The following PPP2R3A variants were observed in gnomAD, a reference collection of about 807,000 sequenced individuals.
The protein encoded by PPP2R3A is serine/threonine-protein phosphatase 2A regulatory subunit B'' subunit alpha.
A neutral mutation model predicts 106.9 loss-of-function variants in PPP2R3A; 80 were observed. The observed-to-expected ratio is 0.75, with a 90% CI of 0.62 to 0.90. The LOEUF is 0.90. Ranked by LOEUF, PPP2R3A falls within the 40% of genes least tolerant of loss-of-function variation. The pLI, the probability that PPP2R3A is intolerant of heterozygous loss-of-function variation, is 0.00. For synonymous variants in PPP2R3A, 483 were observed against 468.3 expected, an observed-to-expected ratio of 1.03 and a Z score of -0.41; for missense variants, 1,386 against 1,350.4, an observed-to-expected ratio of 1.03 and a Z score of -0.41.
chr3:136,001,852 T>A lies in PPP2R3A; in HGVS notation c.354T>A (p.Ser118Arg). 1 of 1,614,100 alleles carries A rather than the reference T, an allele frequency of 6.2e-7. No individual in the cohort carries two copies. Among genetic ancestry groups the A allele is most frequent in the Non-Finnish European group, 8.5e-7 (1 of 1,180,010 alleles). ...NLKDIAGEAI[S>R]FASGKIKEFS... ...AGGATATTGCAGGAGAAGCAATCAGTTTTGCCAGTGGGAAAATAAAAGAAT... is the reference window on the plus strand; with the variant it reads ...AGGATATTGCAGGAGAAGCAATCAGATTTGCCAGTGGGAAAATAAAAGAAT... Residue 118 changes from serine to arginine, a missense_variant, in exon 2 of 14, where the codon AGT (serine) becomes AGA (arginine). Transcript: ENST00000264977.
intron 13 of PPP2R3A, among the ~76,000 whole-genome samples, chr3:136,141,929 C>T (rs1208047147): frequency 6.6e-6 from 1 of 152,144 alleles, no homozygotes; most frequent in Non-Finnish European, 1.5e-5. Flanking sequence ...TTTGAGTGGG[C>T]AGATGACAGT....
intron 13 of PPP2R3A, among the ~76,000 whole-genome samples, chr3:136,136,074 T>TATATATA (rs1491542071): frequency 0.022 from 655 of 30,094 alleles, 11 homozygotes; most frequent in African/African-American, 0.036. Flanking sequence ...AAAAAAAAAA[T>TATATATA]TATATATATA....
chr3:136,050,059 G>T (rs1470150087), intron 5 of PPP2R3A, among the ~76,000 whole-genome samples: 1 of 152,134 alleles, frequency 6.6e-6, no homozygotes, highest in South Asian at 2.1e-4. Context: ...AGTAATTTAG[G>T]ATAATGGCAG....
intron 5 of PPP2R3A, 79 bp downstream of exon 5, chr3:136,049,440 T>G (rs1462089065): frequency 2.9e-6 from 3 of 1,025,684 alleles, no homozygotes; most frequent in Non-Finnish European, 4.4e-6. Flanking sequence ...AACTATAACA[T>G]GTCAATTGAG....
chr3:136,049,165 G>GC, intron 4 of PPP2R3A, 94 bp from the exon 5 acceptor site: 2 of 833,032 alleles, frequency 2.4e-6, no homozygotes, highest in Non-Finnish European at 3.9e-6. Context: ...GATCTGAGTG[G>GC]CCTTCAGATC....
chr3:136,120,444 C>T lies in PPP2R3A; in HGVS notation c.3329+14122C>T, dbSNP rs151017604. Among the ~76,000 whole-genome samples the T allele has an allele frequency of 7.6e-3, 1,152 of 152,032 alleles. 18 individuals carry two copies. The highest frequency in any genetic ancestry group is 0.026 in the African/African-American group (1,081 of 41,456). On this transcript the variant is annotated intron_variant, in intron 13 of 13. Coordinates refer to ENST00000264977, the MANE Select transcript of PPP2R3A (RefSeq NM_002718.5). ...CTCTACTAAAAACACAAAAATTAGC[C>T]GGGCAGGGTGGTGTGCGCCTGTAGT...
intron 10 of PPP2R3A, among the ~76,000 whole-genome samples, chr3:136,098,161 A>T (rs921803179): frequency 2.0e-5 from 3 of 152,220 alleles, no homozygotes; most frequent in Non-Finnish European, 4.4e-5. Flanking sequence ...AAAAGTTTTT[A>T]AAAAATTAGC....
At chr3:136,029,200 T>C (rs1005786128) in intron 3 of PPP2R3A, among the ~76,000 whole-genome samples, 1 of 152,192 alleles carries the variant, frequency 6.6e-6, no homozygotes, top group Non-Finnish European at 1.5e-5. Flanking sequence ...TTGCCTCAGG[T>C]AAGCAGACAA....
intron 1 of PPP2R3A, among the ~76,000 whole-genome samples, chr3:135,993,412 T>C (rs1933257068): frequency 6.6e-6 from 1 of 152,208 alleles, no homozygotes; most frequent in Admixed American, 6.5e-5. Context: ...TCTGAAAGGA[T>C]GTAGAGCTAC....
At chr3:135,986,026 A>G (rs1932904301) in intron 1 of PPP2R3A, among the ~76,000 whole-genome samples, 1 of 152,136 alleles carries the variant, frequency 6.6e-6, no homozygotes, top group Admixed American at 6.5e-5. Context: ...CACAGGGAGA[A>G]TGATCTGGAA....
intron 8 of PPP2R3A, 105 bp from the exon 9 acceptor site, chr3:136,087,778 T>G: frequency 1.4e-6 from 1 of 710,320 alleles, no homozygotes; most frequent in Non-Finnish European, 2.4e-6. Context: ...TGGACGATGG[T>G]TACGGTTTAG....
chr3:136,021,941 A>G (rs901189784), intron 2 of PPP2R3A, among the ~76,000 whole-genome samples: 3 of 152,160 alleles, frequency 2.0e-5, no homozygotes, highest in African/African-American at 7.2e-5. Context: ...GTTGTATGCA[A>G]ATATTACACA....
chr3:136,020,566 T>C (rs1343027877), intron 2 of PPP2R3A, among the ~76,000 whole-genome samples: 1 of 146,178 alleles, frequency 6.8e-6, no homozygotes, highest in Non-Finnish European at 1.5e-5. Context: ...TAGTTTACTT[T>C]TACTAAAACT....
intron 13 of PPP2R3A, among the ~76,000 whole-genome samples, chr3:136,143,332 A>T (rs1938952871): frequency 6.6e-6 from 1 of 152,046 alleles, no homozygotes; most frequent in African/African-American, 2.4e-5. Context: ...CTACTAAGAA[A>T]ACACAAAAAC....
intron 2 of PPP2R3A, among the ~76,000 whole-genome samples, chr3:136,020,698 T>C (rs764159724): frequency 1.3e-5 from 2 of 152,064 alleles, no homozygotes; most frequent in Non-Finnish European, 2.9e-5. Flanking sequence ...TGAGGACAAA[T>C]GCAGCTGACT....
Position 136,029,221 on chromosome 3 carries a change from T to C in PPP2R3A, c.2262+2123T>C, listed in dbSNP as rs190867304. On this transcript the variant is annotated intron_variant, in intron 3 of 13. Transcript: ENST00000264977. ...CAGGTAAGCAGACAAAGAGAAACTT[T>C]CCAGATTAGGGCATAGTAGTTCCCT... is the stretch of plus-strand genomic sequence containing the variant. 3.3e-5 allele frequency among the ~76,000 whole-genome samples: 5 copies of C among 152,312 alleles called. No homozygotes were observed. The East Asian group carries it at 7.7e-4, about 24-fold the overall frequency.
At chr3:136,047,998 C>T (rs996968811) in intron 4 of PPP2R3A, among the ~76,000 whole-genome samples, 1 of 151,972 alleles carries the variant, frequency 6.6e-6, no homozygotes, top group African/African-American at 2.4e-5. Context: ...GCTATTGGTA[C>T]TATGCTCACT....
intron 6 of PPP2R3A, among the ~76,000 whole-genome samples, chr3:136,073,181 A>G (rs1471122966): frequency 6.6e-6 from 1 of 152,032 alleles, no homozygotes; most frequent in Non-Finnish European, 1.5e-5. Flanking sequence ...GTTAGCCAGG[A>G]TGGTCTCGAT....
chr3:136,049,186 TACTA>T (rs1326299043), intron 4 of PPP2R3A, 69 bp from the exon 5 acceptor site: 45 of 1,112,672 alleles, frequency 4.0e-5, no homozygotes, highest in Non-Finnish European at 4.8e-5. Flanking sequence ...AAACTGAAAT[TACTA>T]ACTATTGATG....
Sources: gnomAD v4.1 joint callset for allele counts (sites outside exome capture counted in the v4.1 genomes callset) on GRCh38, gnomAD v4.1.1 for gene constraint, MANE v1.5 for transcripts, NCBI Gene and HGNC (gene_info 2026-07-23, HGNC 2026-07-21) for gene names.